Variants in TMEM217B observed in about 807,000 individuals in gnomAD.
TMEM217B encodes transmembrane protein 217B, also known as putative transmembrane protein 217B.
the TMEM217B span, among the ~76,000 whole-genome samples, chr6:37,227,620 A>G: frequency 6.6e-6 from 1 of 151,766 alleles, no homozygotes; most frequent in East Asian, 1.9e-4. Flanking sequence ...CTAATTTTGT[A>G]TTTTTAGTAG....
chr6:37,238,866 C>T, the TMEM217B span, among the ~76,000 whole-genome samples: 1 of 152,180 alleles, frequency 6.6e-6, no homozygotes, highest in African/African-American at 2.4e-5. Flanking sequence ...CATGGTGGCT[C>T]ACGCCTGTAA....
the TMEM217B span, chr6:37,215,428 A>G: frequency 1.9e-6 from 2 of 1,079,410 alleles, no homozygotes; most frequent in African/African-American, 1.6e-5. Context: ...TACAAAAATT[A>G]GCTGGGCATG....
chr6:37,226,903 C>T, the TMEM217B span, among the ~76,000 whole-genome samples: 1 of 152,172 alleles, frequency 6.6e-6, no homozygotes, highest in African/African-American at 2.4e-5. Flanking sequence ...TTGGTAACAA[C>T]TCATGTATTG....
chr6:37,236,019 G>C, the TMEM217B span, among the ~76,000 whole-genome samples: 8 of 152,106 alleles, frequency 5.3e-5, no homozygotes, highest in South Asian at 1.0e-3. Flanking sequence ...GAAAAATAAA[G>C]CTAGATAAAT....
the TMEM217B span, among the ~76,000 whole-genome samples, chr6:37,246,849 G>GCCATGATT: frequency 2.0e-5 from 3 of 151,356 alleles, no homozygotes; most frequent in Non-Finnish European, 4.4e-5. Flanking sequence ...GCCGCAGTGA[G>GCCATGATT]CCATGATTGT....
the TMEM217B span, among the ~76,000 whole-genome samples, chr6:37,236,772 C>G: frequency 6.6e-6 from 1 of 152,118 alleles, no homozygotes; most frequent in Admixed American, 6.5e-5. Flanking sequence ...GGACTTCAGA[C>G]AGAGCACAGT....
chr6:37,254,616 T>C, the TMEM217B span, among the ~76,000 whole-genome samples: 1 of 152,208 alleles, frequency 6.6e-6, no homozygotes, highest in Admixed American at 6.5e-5. Context: ...TCATCTTTCC[T>C]AACATAAAAA....
At chr6:37,234,089 G>A in the TMEM217B span, among the ~76,000 whole-genome samples, 3 of 144,182 alleles carry the variant, frequency 2.1e-5, no homozygotes, top group African/African-American at 7.8e-5. Flanking sequence ...GGTAGGTTAG[G>A]TGTATTAAAT....
the TMEM217B span, among the ~76,000 whole-genome samples, chr6:37,248,421 C>G: frequency 5.0e-4 from 76 of 152,250 alleles, 1 homozygote; most frequent in East Asian, 0.014. Context: ...TGTTTTTACC[C>G]CCTTTCTCAC....
At chr6:37,225,555 C>T in the TMEM217B span, among the ~76,000 whole-genome samples, 1 of 152,150 alleles carries the variant, frequency 6.6e-6, no homozygotes, top group Non-Finnish European at 1.5e-5. Context: ...CATACTGTGG[C>T]GTAATTGGCC....
the TMEM217B span, among the ~76,000 whole-genome samples, chr6:37,214,373 G>A: frequency 2.6e-5 from 4 of 152,174 alleles, no homozygotes; most frequent in African/African-American, 7.2e-5. Flanking sequence ...GATTACAAGC[G>A]TGCGCCAGCA....
At chr6:37,219,096 T>C in the TMEM217B span, 1 of 1,486,936 alleles carries the variant, frequency 6.7e-7, no homozygotes, top group Admixed American at 2.0e-5. Context: ...CATGGTAAAT[T>C]ACCAGGGTTT....
At chr6:37,239,179 A>G in the TMEM217B span, among the ~76,000 whole-genome samples, 1 of 152,120 alleles carries the variant, frequency 6.6e-6, no homozygotes, top group East Asian at 1.9e-4. Context: ...AATTATTTTG[A>G]TAAGCATACA....
chr6:37,227,971 T>C, the TMEM217B span, among the ~76,000 whole-genome samples: 1 of 152,126 alleles, frequency 6.6e-6, no homozygotes, highest in South Asian at 2.1e-4. Flanking sequence ...AAAAAGTTAA[T>C]GTTTCCATGT....
the TMEM217B span, among the ~76,000 whole-genome samples, chr6:37,245,873 C>T: frequency 1.3e-5 from 2 of 151,730 alleles, no homozygotes; most frequent in Non-Finnish European, 2.9e-5. Flanking sequence ...AATTTTGGCT[C>T]ACCGCAACCT....
chr6:37,243,855 C>G, the TMEM217B span, among the ~76,000 whole-genome samples: 10 of 152,250 alleles, frequency 6.6e-5, no homozygotes, highest in South Asian at 1.7e-3. Flanking sequence ...GTGGAAAACT[C>G]CTTGTGTGCT....
At chr6:37,249,878 GACC>G in the TMEM217B span, among the ~76,000 whole-genome samples, 1 of 152,214 alleles carries the variant, frequency 6.6e-6, no homozygotes, top group Non-Finnish European at 1.5e-5. Context: ...ATACACTCCA[GACC>G]ACCAATTCCA....
chr6:37,219,207 G>C, the TMEM217B span, among the ~76,000 whole-genome samples: 1 of 152,150 alleles, frequency 6.6e-6, no homozygotes. Flanking sequence ...AAATAGATTG[G>C]GGGTGGGGAA....
the TMEM217B span, chr6:37,215,157 AGCC>A: frequency 6.2e-7 from 1 of 1,604,992 alleles, no homozygotes; most frequent in Non-Finnish European, 8.5e-7. Flanking sequence ...TTCTGCCGCT[AGCC>A]AAGGTCCTCT....
Sources: allele counts gnomAD v4.1 joint callset (sites outside exome capture counted in the v4.1 genomes callset), GRCh38; gene constraint gnomAD v4.1.1; transcripts MANE v1.5; gene names NCBI Gene and HGNC (gene_info 2026-07-23, HGNC 2026-07-21).